SNX24: variants seen among roughly 807,000 people sequenced by gnomAD.
The protein encoded by SNX24 is sorting nexin 24, also known as sorting nexin-24.
SNX24 carries 22 observed loss-of-function variants against 28.7 expected under a neutral mutation model. The ratio of observed to expected loss-of-function variants is 0.77; its 90% confidence interval spans 0.55 to 1.10. The LOEUF (loss-of-function observed/expected upper bound fraction) is 1.10. SNX24 is among the 50% of genes least tolerant of loss of function. The pLI is 0.00. For synonymous variants in SNX24, 69 were observed against 71.5 expected (o/e 0.96, Z 0.18); for missense variants, 221 against 201.1 (o/e 1.10, Z -0.60).
chr5:122,874,256 G>A (rs1293874474), intron 1 of SNX24, among the ~76,000 whole-genome samples: 3 of 152,198 alleles, frequency 2.0e-5, no homozygotes, highest in African/African-American at 7.2e-5. Context: ...ACCCCAAAGA[G>A]TCATTGCCAA....
intron 6 of SNX24, among the ~76,000 whole-genome samples, chr5:123,002,899 C>T (rs1016519382): frequency 6.6e-6 from 1 of 152,122 alleles, no homozygotes; most frequent in African/African-American, 2.4e-5. Context: ...GTGAACTAAG[C>T]AGGGCAGATA....
chr5:123,015,991 T>C (rs571398399), intron 5 of SNX24, among the ~76,000 whole-genome samples: 2 of 152,278 alleles, frequency 1.3e-5, no homozygotes, highest in East Asian at 3.9e-4. Flanking sequence ...ACTTAGAAAT[T>C]GCCATATTTT....
intron 6 of SNX24, 28 bp from the exon 7 acceptor site, chr5:123,007,654 T>C (rs780924779): frequency 4.5e-6 from 7 of 1,558,274 alleles, no homozygotes; most frequent in Non-Finnish European, 3.5e-6. Context: ...TTTTCTTTTT[T>C]TTTTCTTTTT....
At chr5:122,854,161 A>G (rs1382865657) in intron 1 of SNX24, among the ~76,000 whole-genome samples, 55 of 152,128 alleles carry the variant, frequency 3.6e-4, no homozygotes, top group Admixed American at 3.5e-3. Context: ...TCTTCTGTAT[A>G]TAGAAGCCCT....
intron 3 of SNX24, among the ~76,000 whole-genome samples, chr5:122,962,013 A>G (rs1297532878): frequency 6.6e-6 from 1 of 152,220 alleles, no homozygotes; most frequent in African/African-American, 2.4e-5. Flanking sequence ...TGGTAATTCT[A>G]TAAGACTTTT....
At chr5:122,884,558 T>A (rs1446602132) in intron 1 of SNX24, among the ~76,000 whole-genome samples, 6 of 152,092 alleles carry the variant, frequency 3.9e-5, no homozygotes, top group Non-Finnish European at 8.8e-5. Context: ...GCCTGTTTCT[T>A]TATCACATAA....
chr5:122,993,480 T>A (rs1761941818), intron 3 of SNX24, among the ~76,000 whole-genome samples: 1 of 152,086 alleles, frequency 6.6e-6, no homozygotes, highest in Non-Finnish European at 1.5e-5. Context: ...TTTGTATTTT[T>A]TAATAGATAC....
At chr5:122,991,516 T>C (rs1331200370) in intron 3 of SNX24, among the ~76,000 whole-genome samples, 2 of 152,070 alleles carry the variant, frequency 1.3e-5, no homozygotes, top group Admixed American at 6.5e-5. Context: ...CTGGAGTGCA[T>C]TGATGCCATC....
At chr5:122,846,957 CTTTT>C (rs34047045) in intron 1 of SNX24, among the ~76,000 whole-genome samples, 14 of 141,452 alleles carry the variant, frequency 9.9e-5, no homozygotes, top group Non-Finnish European at 1.5e-4. Context: ...TTGTTCAAGG[CTTTT>C]TTTTTTTTTT....
intron 5 of SNX24, among the ~76,000 whole-genome samples, chr5:123,021,444 T>C (rs186865216): frequency 6.6e-6 from 1 of 152,174 alleles, no homozygotes; most frequent in Non-Finnish European, 1.5e-5. Flanking sequence ...AAATAAGAAA[T>C]TGGGCAGCCA....
chr5:122,914,997 G>A (rs966868078), intron 1 of SNX24, among the ~76,000 whole-genome samples: 3 of 152,180 alleles, frequency 2.0e-5, no homozygotes, highest in Non-Finnish European at 4.4e-5. Flanking sequence ...GCTACTAACA[G>A]ATGCACGTTG....
rs557612405 is a variant in SNX24 at position 122,949,872 on chromosome 5, A to G, written c.249+3713A>G. ...ATAGTATCTTAGAATCAAAATCTAT[A>G]ATTAATCAGGGAGACATCAGAAGTT... On this transcript the variant is annotated intron_variant, in intron 3 of 6. Coordinates refer to ENST00000261369, the MANE Select transcript of SNX24 (RefSeq NM_014035.4). 1.3e-3 allele frequency among the ~76,000 whole-genome samples: 191 copies of G among 152,334 alleles called. 1 individual carries two copies. The highest frequency in any genetic ancestry group is 1.3e-3 in the Non-Finnish European group (90 of 68,004).
rs192242431 is a variant in SNX24 at position 123,017,433 on chromosome 5, T to G, written n.384-11805T>G. 3.4e-4 allele frequency among the ~76,000 whole-genome samples: 52 copies of G among 152,220 alleles called. No homozygotes were observed. In the East Asian group the frequency reaches 4.1e-3, roughly 12 times the overall value. On this transcript the variant is annotated intron_variant and non_coding_transcript_variant, in intron 5 of 5. Coordinates refer to the SNX24 transcript ENST00000502387. Reference sequence around the variant, plus strand: ...AATTCAGAAAATAAAAAGTTGTTTTTTTTTTTTTTTAAGATAAGTCTTTTG... The same window carrying G: ...AATTCAGAAAATAAAAAGTTGTTTTGTTTTTTTTTTAAGATAAGTCTTTTG...
At chr5:122,926,101 G>A (rs991605439) in intron 1 of SNX24, among the ~76,000 whole-genome samples, 1 of 152,166 alleles carries the variant, frequency 6.6e-6, no homozygotes, top group Non-Finnish European at 1.5e-5. Context: ...AGAATTATGG[G>A]AGCTAGTTGC....
At chr5:122,946,270 C>G (rs1759682030) in intron 3 of SNX24, 111 bp downstream of exon 3, 1 of 552,794 alleles carries the variant, frequency 1.8e-6, no homozygotes, top group African/African-American at 1.9e-5. Context: ...GCCAAAGATT[C>G]TAAATTAAAG....
At position 122,899,564 on chromosome 5, in the gene SNX24, A is replaced by C. The variant is rs563386589; in HGVS notation, c.61-37170A>C. Among the ~76,000 whole-genome samples, 17 of 152,170 alleles carry C rather than the reference A, an allele frequency of 1.1e-4. No individual in the cohort carries two copies. The East Asian group carries it at 3.3e-3, about 29-fold the overall frequency. On this transcript the variant is annotated intron_variant, in intron 1 of 6. Coordinates refer to ENST00000261369, the MANE Select transcript of SNX24 (RefSeq NM_014035.4). The stretch of plus-strand genomic sequence containing the variant: ...GCTGGGACTACAGGCACACACCACC[A>C]TGCCTGGCTGATTTTTGTATTTTTT...
intron 3 of SNX24, among the ~76,000 whole-genome samples, chr5:122,988,177 T>TAG (rs1761684644): frequency 6.6e-6 from 1 of 152,050 alleles, no homozygotes; most frequent in South Asian, 2.1e-4. Context: ...ACAAGCTATC[T>TAG]AGGTTGTTGG....
chr5:122,949,304 G>A (rs1759832110), intron 3 of SNX24, among the ~76,000 whole-genome samples: 1 of 151,998 alleles, frequency 6.6e-6, no homozygotes, highest in African/African-American at 2.4e-5. Flanking sequence ...TATCATATTA[G>A]TCTTCAAGAT....
At chr5:122,878,996 C>T (rs1007657174) in intron 1 of SNX24, among the ~76,000 whole-genome samples, 4 of 151,242 alleles carry the variant, frequency 2.6e-5, no homozygotes, top group Non-Finnish European at 4.4e-5. Flanking sequence ...AAATATAATG[C>T]AAGCCACAAA....
Sources: gnomAD v4.1 joint callset for allele counts (sites outside exome capture counted in the v4.1 genomes callset) on GRCh38, gnomAD v4.1.1 for gene constraint, MANE v1.5 for transcripts, NCBI Gene and HGNC (gene_info 2026-07-23, HGNC 2026-07-21) for gene names.